Variants in PLCG2 observed in about 807,000 individuals in gnomAD.
The protein encoded by PLCG2 is phospholipase C gamma 2.
Under a neutral mutation model 175.6 loss-of-function variants are expected in PLCG2, and 69 were observed. That is an observed-to-expected ratio of 0.39 (90% CI 0.32 to 0.48). PLCG2 has a LOEUF of 0.48. PLCG2 is among the 20% of genes least tolerant of loss of function. The pLI, the probability that PLCG2 is intolerant of heterozygous loss-of-function variation, is 0.91. For synonymous variants in PLCG2, 827 were observed against 624.0 expected, an observed-to-expected ratio of 1.33 and a Z score of -4.85; for missense variants, 1,798 against 1,650.9, an observed-to-expected ratio of 1.09 and a Z score of -1.54.
chr16:81,816,651 ATTT>A (rs71146047), intron 2 of PLCG2, among the ~76,000 whole-genome samples: 1 of 108,878 alleles, frequency 9.2e-6, no homozygotes, highest in African/African-American at 3.8e-5. Context: ...GCTAATTTTA[ATTT>A]TTTTTTTTTT....
At chr16:81,924,440 A>G (rs995939911) in intron 22 of PLCG2, among the ~76,000 whole-genome samples, 1 of 152,242 alleles carries the variant, frequency 6.6e-6, no homozygotes. Flanking sequence ...AACTGAGTCT[A>G]CATGATGACT....
intron 14 of PLCG2, among the ~76,000 whole-genome samples, chr16:81,904,961 C>G (rs1212256500): frequency 1.3e-5 from 2 of 152,176 alleles, no homozygotes; most frequent in Non-Finnish European, 2.9e-5. Flanking sequence ...AGTCTCAGCT[C>G]ACTGCAACCT....
At chr16:81,928,346 C>G (rs1482419519) in intron 23 of PLCG2, among the ~76,000 whole-genome samples, 4 of 152,100 alleles carry the variant, frequency 2.6e-5, no homozygotes, top group African/African-American at 4.8e-5. Context: ...GAAAATGAAA[C>G]TCCGAACCTC....
At chr16:81,827,140 A>C (rs1567484859) in intron 2 of PLCG2, among the ~76,000 whole-genome samples, 1 of 150,568 alleles carries the variant, frequency 6.6e-6, no homozygotes, top group South Asian at 2.1e-4. Flanking sequence ...CCTCAACGGG[A>C]TGTGTGGTAA....
At chr16:81,810,436 A>T (rs1196413030) in intron 2 of PLCG2, among the ~76,000 whole-genome samples, 1 of 152,066 alleles carries the variant, frequency 6.6e-6, no homozygotes, top group East Asian at 1.9e-4. Context: ...TTCTGCTCCA[A>T]CTTATTTGCA....
At chr16:81,804,301 C>T (rs1911893669) in intron 2 of PLCG2, among the ~76,000 whole-genome samples, 1 of 152,190 alleles carries the variant, frequency 6.6e-6, no homozygotes, top group Admixed American at 6.5e-5. Flanking sequence ...CCTGATTGCT[C>T]ATTGCTCTAT....
intron 31 of PLCG2, among the ~76,000 whole-genome samples, chr16:81,952,387 T>A (rs544604745): frequency 6.6e-6 from 1 of 152,308 alleles, no homozygotes; most frequent in South Asian, 2.1e-4. Flanking sequence ...CATTGGATTC[T>A]CAATTCCAGA....
At chr16:81,841,102 G>A (rs974967970) in intron 2 of PLCG2, among the ~76,000 whole-genome samples, 2 of 152,122 alleles carry the variant, frequency 1.3e-5, no homozygotes, top group Non-Finnish European at 2.9e-5. Flanking sequence ...ACTGATTTTC[G>A]CCTCTGCTGT....
intron 24 of PLCG2, among the ~76,000 whole-genome samples, chr16:81,930,013 G>T (rs4888190): frequency 0.73 from 111,469 of 151,962 alleles, 40,964 homozygotes; most frequent in Admixed American, 0.77. Flanking sequence ...TTCCACATGT[G>T]ACTTTCTCTT....
chr16:81,769,569 C>G (rs1347090920), intron 2 of PLCG2, among the ~76,000 whole-genome samples: 2 of 152,012 alleles, frequency 1.3e-5, no homozygotes, highest in East Asian at 1.9e-4. Flanking sequence ...AATCCCAGCA[C>G]TTTGGGAGGC....
At chr16:81,853,833 G>T (rs910921604) in intron 2 of PLCG2, among the ~76,000 whole-genome samples, 1 of 152,126 alleles carries the variant, frequency 6.6e-6, no homozygotes, top group South Asian at 2.1e-4. Flanking sequence ...TGTTACCAGA[G>T]TCATAGTTTA....
chr16:81,766,489 TCC>T (rs1910153680), intron 2 of PLCG2, among the ~76,000 whole-genome samples: 2 of 151,194 alleles, frequency 1.3e-5, no homozygotes, highest in Non-Finnish European at 3.0e-5. Context: ...CTCTTCCTCC[TCC>T]TCCTCCTCTT....
intron 11 of PLCG2, among the ~76,000 whole-genome samples, chr16:81,892,448 CT>C (rs1908681214): frequency 1.3e-5 from 2 of 152,152 alleles, no homozygotes; most frequent in Non-Finnish European, 2.9e-5. Flanking sequence ...TGGGTGGGGA[CT>C]TTCCTAAGTG....
chr16:81,806,895 G>A (rs1002757938), intron 2 of PLCG2, among the ~76,000 whole-genome samples: 4 of 152,048 alleles, frequency 2.6e-5, no homozygotes, highest in Admixed American at 2.0e-4. Context: ...GAGTTATGGG[G>A]AGGAAGCAGG....
At chr16:81,777,259 A>G (rs1910431533), upstream of PLCG2, among the ~76,000 whole-genome samples, 1 of 152,294 alleles carries the variant, frequency 6.6e-6, no homozygotes, top group East Asian at 1.9e-4. Context: ...ACACATTCTG[A>G]TTATATGCAA....
Position 81,931,658 on chromosome 16 carries a change from G to T in PLCG2, c.2739+4G>T, listed in dbSNP as rs754078401. The T allele has an allele frequency of 2.5e-5, 41 of 1,612,934 alleles. No individual in the cohort carries two copies. Among genetic ancestry groups the T allele is most frequent in the Middle Eastern group, 1.6e-4 (1 of 6,072 alleles). ...CACCTGGAAGATTGACACCAAGGTA[G>T]GCACCTGCTCACCCGGGTGCAGGTG... On this transcript the variant is annotated splice_donor_region_variant and intron_variant, in intron 25 of 32. Coordinates refer to ENST00000564138, the MANE Select transcript of PLCG2 (RefSeq NM_002661.5).
At chr16:81,848,097 C>T (rs958263015) in intron 2 of PLCG2, among the ~76,000 whole-genome samples, 2 of 152,164 alleles carry the variant, frequency 1.3e-5, no homozygotes, top group African/African-American at 4.8e-5. Context: ...TCTAACGTTC[C>T]AGTAATCAGT....
rs4468612 is a variant in PLCG2, at chr16:81,827,951, A to T, written c.194-26493A>T. ...ACTAAAAATACAAAAGTAGCCAGGC[A>T]TGGTGGCGGATGCCTGTAATCCCAG... On this transcript the variant is annotated intron_variant, in intron 2 of 32. Transcript: ENST00000564138. 1.3e-4 allele frequency among the ~76,000 whole-genome samples: 19 copies of T among 151,808 alleles called. No individual in the cohort carries two copies. In the South Asian group the frequency reaches 2.3e-3, roughly 18 times the overall value.
At chr16:81,948,725 C>T (rs1288782873) in intron 31 of PLCG2, among the ~76,000 whole-genome samples, 2 of 152,198 alleles carry the variant, frequency 1.3e-5, no homozygotes, top group East Asian at 1.9e-4. Flanking sequence ...CCTTATGCCT[C>T]ATCAGCTAAA....
Sources: allele counts gnomAD v4.1 joint callset (sites outside exome capture counted in the v4.1 genomes callset), GRCh38; gene constraint gnomAD v4.1.1; transcripts MANE v1.5; gene names NCBI Gene and HGNC (gene_info 2026-07-23, HGNC 2026-07-21).